The following KDM4C variants were observed in gnomAD, a reference collection of about 807,000 sequenced individuals.
The protein encoded by KDM4C is lysine demethylase 4C.
KDM4C carries 81 observed loss-of-function variants against 129.3 expected under a neutral mutation model. That is an observed-to-expected ratio of 0.63 (90% CI 0.52 to 0.75). The LOEUF is 0.75. KDM4C is among the 30% of genes least tolerant of loss of function. KDM4C has a pLI of 0.00. For synonymous variants in KDM4C, 573 were observed against 456.1 expected (o/e 1.26, Z -3.26); for missense variants, 1,457 against 1,304.0 (o/e 1.12, Z -1.81).
At chr9:6,919,929 C>G (rs1821170559) in intron 8 of KDM4C, among the ~76,000 whole-genome samples, 2 of 152,118 alleles carry the variant, frequency 1.3e-5, no homozygotes, top group African/African-American at 4.8e-5. Flanking sequence ...CTACTCCATG[C>G]TATCAGAACT....
chr9:6,829,053 T>C (rs1834363442), intron 4 of KDM4C, among the ~76,000 whole-genome samples: 1 of 152,224 alleles, frequency 6.6e-6, no homozygotes, highest in South Asian at 2.1e-4. Flanking sequence ...TCGATGATTG[T>C]GAGACGTGTC....
rs190947085 is a variant in KDM4C, at chr9:6,802,829, A to T, written c.145-2770A>T. ...ACCATGTTGGCCAAGCTGATCTTAA[A>T]CTTCTGACCTCAGGTGGTCTGTCCA... On this transcript the variant is annotated intron_variant, in intron 2 of 21. Coordinates refer to ENST00000381309, the MANE Select transcript of KDM4C (RefSeq NM_015061.6). Among the ~76,000 whole-genome samples, 13 of 152,240 alleles carry T rather than the reference A, an allele frequency of 8.5e-5. No individual in the cohort carries two copies. The East Asian group carries it at 2.5e-3, about 29-fold the overall frequency.
rs982255464 is a variant in KDM4C at position 6,760,232 on chromosome 9, T to G, written c.-18+2029T>G. ...ATCTGGTCTTCTGTGAGTGACTTCT[T>G]TCACTTGGCATAATGTTTTTTAAGG... On this transcript the variant is annotated intron_variant, in intron 1 of 21. Coordinates refer to ENST00000381309, the MANE Select transcript of KDM4C (RefSeq NM_015061.6). Among the ~76,000 whole-genome samples the G allele has an allele frequency of 2.5e-4, 38 of 151,934 alleles. No homozygotes were observed. In the East Asian group the frequency reaches 5.0e-3, roughly 20 times the overall value.
chr9:6,736,617 G>A (rs1300554293), intron 1 of KDM4C, among the ~76,000 whole-genome samples: 1 of 152,042 alleles, frequency 6.6e-6, no homozygotes, highest in Non-Finnish European at 1.5e-5. Flanking sequence ...TGAGGTTTGG[G>A]AACCTCAATT....
chr9:6,766,277 T>C (rs1820608771), intron 1 of KDM4C, among the ~76,000 whole-genome samples: 1 of 152,166 alleles, frequency 6.6e-6, no homozygotes, highest in African/African-American at 2.4e-5. Context: ...TTACTTTGAG[T>C]GTCATGTTTG....
intron 19 of KDM4C, among the ~76,000 whole-genome samples, chr9:7,146,458 T>A (rs1842224153): frequency 6.6e-6 from 1 of 152,252 alleles, no homozygotes; most frequent in African/African-American, 2.4e-5. Flanking sequence ...TTTTGATCTC[T>A]AGCTCTTGTG....
At chr9:7,097,872 A>G (rs1836633803) in intron 17 of KDM4C, among the ~76,000 whole-genome samples, 1 of 152,248 alleles carries the variant, frequency 6.6e-6, no homozygotes, top group African/African-American at 2.4e-5. Flanking sequence ...TTTAGTAAGT[A>G]TTGAAATGGG....
At chr9:6,879,932 A>G (rs1447501920) in intron 5 of KDM4C, 80 bp from the exon 6 acceptor site, 2 of 629,988 alleles carry the variant, frequency 3.2e-6, no homozygotes, top group Non-Finnish European at 5.5e-6. Flanking sequence ...TTTATGTGAC[A>G]TTATTTAGGA....
intron 13 of KDM4C, among the ~76,000 whole-genome samples, chr9:7,012,763 T>C (rs1822944391): frequency 6.6e-6 from 1 of 152,220 alleles, no homozygotes; most frequent in Non-Finnish European, 1.5e-5. Context: ...GGTGGAACTA[T>C]GTGGTTCATT....
chr9:6,757,944 CGT>C, upstream of KDM4C: 1 of 985,404 alleles, frequency 1.0e-6, no homozygotes, highest in African/African-American at 1.7e-5. Flanking sequence ...CCAGCGGTCA[CGT>C]GACGGCGCGC....
chr9:7,065,351 A>G (rs926808688), intron 17 of KDM4C, among the ~76,000 whole-genome samples: 7 of 152,162 alleles, frequency 4.6e-5, no homozygotes, highest in African/African-American at 1.7e-4. Context: ...AAAGTAGTCA[A>G]ATAAATTGAC....
chr9:6,753,759 G>C (rs555626005), upstream of KDM4C, among the ~76,000 whole-genome samples: 8 of 152,176 alleles, frequency 5.3e-5, no homozygotes, highest in South Asian at 1.2e-3. Context: ...CATTAATAAG[G>C]GCAGAGCCCT....
At chr9:6,747,610 G>T (rs1039985257) in intron 1 of KDM4C, among the ~76,000 whole-genome samples, 1 of 151,860 alleles carries the variant, frequency 6.6e-6, no homozygotes, top group African/African-American at 2.4e-5. Context: ...GAGTTTTCTG[G>T]AAACAATCCA....
At chr9:6,841,455 G>C (rs1836889009) in intron 4 of KDM4C, among the ~76,000 whole-genome samples, 1 of 152,232 alleles carries the variant, frequency 6.6e-6, no homozygotes, top group East Asian at 1.9e-4. Context: ...TGGGGAACAA[G>C]GTTCATATAG....
At chr9:6,831,594 C>A (rs530543475) in intron 4 of KDM4C, among the ~76,000 whole-genome samples, 30 of 152,178 alleles carry the variant, frequency 2.0e-4, no homozygotes, top group African/African-American at 7.0e-4. Flanking sequence ...CCAGCCAACT[C>A]GGCCTCTAAA....
intron 15 of KDM4C, among the ~76,000 whole-genome samples, chr9:7,042,109 G>A (rs953517957): frequency 6.6e-6 from 1 of 151,906 alleles, no homozygotes; most frequent in Non-Finnish European, 1.5e-5. Context: ...TGTACCTTTC[G>A]TATTTAGTAT....
At chr9:6,918,210 C>A (rs1820685983) in intron 8 of KDM4C, among the ~76,000 whole-genome samples, 1 of 152,118 alleles carries the variant, frequency 6.6e-6, no homozygotes, top group Admixed American at 6.5e-5. Context: ...GTCTACAGTT[C>A]CCATCTTTGT....
intron 15 of KDM4C, among the ~76,000 whole-genome samples, chr9:7,034,503 C>A (rs1827305579): frequency 6.6e-6 from 1 of 152,164 alleles, no homozygotes; most frequent in Non-Finnish European, 1.5e-5. Context: ...CCTCCAGTTC[C>A]TTCCATGTTG....
intron 1 of KDM4C, among the ~76,000 whole-genome samples, chr9:6,737,579 G>T (rs891657620): frequency 1.4e-5 from 2 of 146,706 alleles, no homozygotes; most frequent in Non-Finnish European, 3.0e-5. Context: ...CAGGAGAATC[G>T]CTTGAACCCG....
Sources: gnomAD v4.1 joint callset for allele counts (sites outside exome capture counted in the v4.1 genomes callset) on GRCh38, gnomAD v4.1.1 for gene constraint, MANE v1.5 for transcripts, NCBI Gene and HGNC (gene_info 2026-07-23, HGNC 2026-07-21) for gene names.